ANKRD36: variants seen among roughly 807,000 people sequenced by gnomAD.
ANKRD36 encodes the protein ankyrin repeat domain 36.
ANKRD36 carries 179 observed loss-of-function variants against 278.1 expected under a neutral mutation model. The observed-to-expected ratio is 0.64, with a 90% CI of 0.57 to 0.73. ANKRD36 has a LOEUF of 0.73. Among genes scored for constraint, ANKRD36 ranks in the 30% least tolerant of loss-of-function variants. The pLI is 0.00. For synonymous variants in ANKRD36, 320 were observed against 641.1 expected (o/e 0.50, Z 7.57); for missense variants, 1,159 against 1,956.7 (o/e 0.59, Z 7.69).
rs1486069041 is a variant in ANKRD36 at position 97,178,189 on chromosome 2, A to G, written c.1634-1549A>G. The stretch of plus-strand genomic sequence containing the variant: ...AAAGTCAGGAAACAACAGGTGCTGG[A>G]GAGGATGTGGAGAAATAGGAACACT... On this transcript the variant is annotated intron_variant, in intron 22 of 75. Transcript: ENST00000420699. Among the ~76,000 whole-genome samples, 3 of 151,008 alleles carry G rather than the reference A, an allele frequency of 2.0e-5. No individual in the cohort carries two copies. The East Asian group carries it at 5.9e-4, about 29-fold the overall frequency.
Position 97,195,040 on chromosome 2 carries a change from A to T in ANKRD36, c.2551+123A>T, listed in dbSNP as rs1281814511. ...TGATTCAGCAGGCCTGAGATTCTTC[A>T]TTTCTAATAAGTTCTTGGGTTATGC... is the stretch of plus-strand genomic sequence containing the variant. On this transcript the variant is annotated intron_variant, in intron 40 of 75. Coordinates refer to ENST00000420699, the MANE Select transcript of ANKRD36 (RefSeq NM_001354587.1). 3.6e-6 allele frequency: 5 copies of T among 1,378,226 alleles called. No homozygotes were observed. The African/African-American group carries it at 5.9e-5, about 16-fold the overall frequency. 85.4% of individuals were successfully genotyped at this position (1,378,226 alleles called of 1,614,324 possible).
intron 17 of ANKRD36, among the ~76,000 whole-genome samples, chr2:97,161,476 TTCTC>T (rs1320886910): frequency 2.6e-5 from 4 of 152,102 alleles, no homozygotes; most frequent in African/African-American, 4.8e-5. Context: ...TCGTTTTTGT[TTCTC>T]TCTTCTCCCC....
chr2:97,178,631 G>A (rs201643758), intron 22 of ANKRD36, among the ~76,000 whole-genome samples: 1 of 144,870 alleles, frequency 6.9e-6, no homozygotes, highest in Non-Finnish European at 1.5e-5. Context: ...TGAACAATGA[G>A]ATCACATGGA....
chr2:97,191,262 G>A (rs1216075653), intron 36 of ANKRD36, 81 bp downstream of exon 36: 5 of 1,376,252 alleles, frequency 3.6e-6, no homozygotes, highest in Non-Finnish European at 4.9e-6. Flanking sequence ...TTGGCCTGGG[G>A]CTCGTCGAAG....
rs983257091 is a variant in ANKRD36 at position 97,217,173 on chromosome 2, T to C, written c.3674-4T>C. On this transcript the variant is annotated splice_polypyrimidine_tract_variant and splice_region_variant and intron_variant, in intron 62 of 75. Transcript: ENST00000420699. ...ATGAATTATATATTTCTTTTACTTT[T>C]CAGTGTCTCCTCAGAAACAATCGGC... The C allele has an allele frequency of 1.3e-6, 2 of 1,547,138 alleles. No homozygotes were observed. Among genetic ancestry groups the C allele is most frequent in the Admixed American group, 2.0e-5 (1 of 50,998 alleles).
intron 3 of ANKRD36, 127 bp from the exon 4 acceptor site, chr2:97,122,760 G>C: frequency 5.1e-6 from 4 of 786,898 alleles, no homozygotes; most frequent in Non-Finnish European, 7.4e-6. Context: ...GGAAAAGAAA[G>C]GGACTACCTC....
rs528480089 is a variant in ANKRD36 at position 97,123,864 on chromosome 2, A to G, written c.594-596A>G. Among the ~76,000 whole-genome samples the G allele has an allele frequency of 9.7e-3, 1,425 of 146,884 alleles. 12 individuals are homozygous for G. Among genetic ancestry groups the G allele is most frequent in the Non-Finnish European group, 0.016 (1,054 of 66,932 alleles). On this transcript the variant is annotated intron_variant, in intron 4 of 75. Coordinates refer to ENST00000420699, the MANE Select transcript of ANKRD36 (RefSeq NM_001354587.1). ...TAATATATAATATACAATGTATATT[A>G]TATATTTTATAGATTATATATACTA... is the stretch of plus-strand genomic sequence containing the variant.
chr2:97,166,630 T>G (rs2050738171), intron 20 of ANKRD36, among the ~76,000 whole-genome samples: 1 of 151,602 alleles, frequency 6.6e-6, no homozygotes, highest in Non-Finnish European at 1.5e-5. Flanking sequence ...CTGAGAACAC[T>G]GACTTTATGT....
chr2:97,122,473 A>T lies in ANKRD36; in HGVS notation c.487-414A>T, dbSNP rs1342979428. 2.8e-5 allele frequency among the ~76,000 whole-genome samples: 4 copies of T among 144,730 alleles called. No homozygotes were observed. In the East Asian group the frequency reaches 6.0e-4, roughly 22 times the overall value. 94.9% of individuals were successfully genotyped at this position (144,730 alleles called of 152,430 possible). On this transcript the variant is annotated intron_variant, in intron 3 of 75. Transcript: ENST00000420699. ...AACACCGCTCTATAGATAATAATTT[A>T]GATCATTAATAAAAATACCTGAAAC...
At chr2:97,226,933 T>C (rs775777028) in intron 67 of ANKRD36, among the ~76,000 whole-genome samples, 35 of 151,996 alleles carry the variant, frequency 2.3e-4, no homozygotes, top group Non-Finnish European at 4.6e-4. Flanking sequence ...ATCAGATAGT[T>C]GTAGATATGC....
At chr2:97,228,068 G>A (rs1319009616) in intron 67 of ANKRD36, among the ~76,000 whole-genome samples, 2 of 152,096 alleles carry the variant, frequency 1.3e-5, no homozygotes, top group African/African-American at 2.4e-5. Flanking sequence ...TTGCATCAAT[G>A]TTCATTAAGG....
At chr2:97,191,058 A>G in intron 35 of ANKRD36, 51 bp from the exon 36 acceptor site, 1 of 1,596,780 alleles carries the variant, frequency 6.3e-7, no homozygotes, top group Non-Finnish European at 8.5e-7. Flanking sequence ...AGTCTATGAA[A>G]TATACTTCAT....
rs1381273970 is a variant in ANKRD36 at position 97,178,754 on chromosome 2, A to G, written c.1634-984A>G. On this transcript the variant is annotated intron_variant, in intron 22 of 75. Coordinates refer to ENST00000420699, the MANE Select transcript of ANKRD36 (RefSeq NM_001354587.1). ...GATGATGAGATAGTGGGTGCAGCGCACCAGCATGGCACATGTATACATATG... is the reference window on the plus strand; with the variant it reads ...GATGATGAGATAGTGGGTGCAGCGCGCCAGCATGGCACATGTATACATATG... 5.3e-5 allele frequency among the ~76,000 whole-genome samples: 8 copies of G among 151,598 alleles called. 1 individual carries two copies. The highest frequency in any genetic ancestry group is 4.6e-4 in the Admixed American group (7 of 15,138).
At chr2:97,128,158 T>C (rs7569791) in intron 6 of ANKRD36, among the ~76,000 whole-genome samples, 86,312 of 148,000 alleles carry the variant, frequency 0.58, 29,384 homozygotes, top group Non-Finnish European at 0.78. Context: ...AACTTCCCTT[T>C]CCTACAAATC....
intron 46 of ANKRD36, 93 bp from the exon 47 acceptor site, chr2:97,202,109 G>A: frequency 1.9e-6 from 3 of 1,584,248 alleles, no homozygotes; most frequent in Non-Finnish European, 2.6e-6. Flanking sequence ...AATACAGGCA[G>A]GAGGACAGAG....
chr2:97,230,148 G>C (rs1576421708), intron 67 of ANKRD36, among the ~76,000 whole-genome samples: 1 of 152,154 alleles, frequency 6.6e-6, no homozygotes, highest in East Asian at 2.0e-4. Context: ...GTATCTTTGT[G>C]GCGTTGTCTG....
Position 97,224,375 on chromosome 2 carries a change from A to T in ANKRD36, c.3878-431A>T, listed in dbSNP as rs1424893281. ...CCTTTCTTAAAGAAGTAAATATTAT[A>T]CTAAAGATTAAGCTTCGTTGAAACA... On this transcript the variant is annotated intron_variant, in intron 66 of 75. Transcript: ENST00000420699. Among the ~76,000 whole-genome samples the T allele has an allele frequency of 2.0e-5, 3 of 151,664 alleles. No individual in the cohort carries two copies. In the South Asian group the frequency reaches 6.4e-4, roughly 32 times the overall value.
At chr2:97,229,852 T>C (rs968735260) in intron 67 of ANKRD36, among the ~76,000 whole-genome samples, 3 of 152,168 alleles carry the variant, frequency 2.0e-5, no homozygotes, top group Non-Finnish European at 4.4e-5. Context: ...AAATCTCTCA[T>C]CATTTGCTTG....
chr2:97,139,256 A>C (rs2042265980), intron 6 of ANKRD36, among the ~76,000 whole-genome samples: 1 of 152,022 alleles, frequency 6.6e-6, no homozygotes, highest in South Asian at 2.1e-4. Flanking sequence ...TATACTACTA[A>C]AACTTATTGA....
Sources: gnomAD v4.1 joint callset for allele counts (sites outside exome capture counted in the v4.1 genomes callset) on GRCh38, gnomAD v4.1.1 for gene constraint, MANE v1.5 for transcripts, NCBI Gene and HGNC (gene_info 2026-07-23, HGNC 2026-07-21) for gene names.